The following VASH1 variants were observed in gnomAD, a reference collection of about 807,000 sequenced individuals.
VASH1 encodes vasohibin 1.
VASH1 carries 16 observed loss-of-function variants against 35.0 expected under a neutral mutation model. That is an observed-to-expected ratio of 0.46 (90% CI 0.31 to 0.70). The LOEUF is 0.70. Among genes scored for constraint, VASH1 ranks in the 30% least tolerant of loss-of-function variants. The probability of loss-of-function intolerance (pLI) is 0.05; values close to 1 mark genes in which losing one functional copy is unlikely to be tolerated. For missense variants in VASH1, 505 were observed against 510.7 expected (o/e 0.99, Z 0.11); for synonymous variants, 214 against 200.9 (o/e 1.07, Z -0.55).
chr14:76,768,398 G>A (rs576291710), intron 1 of VASH1, among the ~76,000 whole-genome samples: 4 of 152,336 alleles, frequency 2.6e-5, no homozygotes, highest in East Asian at 3.9e-4. Context: ...AGCCAGGGCA[G>A]CCAGTGCGGT....
At chr14:76,768,906 G>A (rs1011556539) in intron 1 of VASH1, among the ~76,000 whole-genome samples, 3 of 152,210 alleles carry the variant, frequency 2.0e-5, no homozygotes, top group Non-Finnish European at 4.4e-5. Context: ...TGGTGGACAA[G>A]GGGGAGCCCT....
chr14:76,771,919 A>G (rs1893804610), intron 3 of VASH1, among the ~76,000 whole-genome samples: 3 of 152,224 alleles, frequency 2.0e-5, no homozygotes, highest in Admixed American at 6.5e-5. Flanking sequence ...AAAGATGCCC[A>G]CAGACTTAAG....
intron 1 of VASH1, among the ~76,000 whole-genome samples, chr14:76,765,444 C>T (rs1195574850): frequency 6.6e-6 from 1 of 152,166 alleles, no homozygotes; most frequent in Non-Finnish European, 1.5e-5. Flanking sequence ...CCTCCTCTAC[C>T]TGGGCTCTGA....
At chr14:76,764,220 C>CA in intron 1 of VASH1, among the ~76,000 whole-genome samples, 1 of 152,294 alleles carries the variant, frequency 6.6e-6, no homozygotes, top group East Asian at 1.9e-4. Context: ...GTTATTGGTA[C>CA]AGCCATCAGA....
Position 76,779,141 on chromosome 14 carries a change from G to C in VASH1, c.*123G>C. On this transcript the variant is annotated 3_prime_UTR_variant, in exon 7 of 7. Coordinates refer to ENST00000167106, the MANE Select transcript of VASH1 (RefSeq NM_014909.5). ...GGCAGGGCAAGAGGCTGCAGGAAGA[G>C]TGTGTTCCAGCTCAGCCCCCCAAGC... is the stretch of plus-strand genomic sequence containing the variant. 9.0e-7 allele frequency: 1 copy of C among 1,112,510 alleles called. No homozygotes were observed. The highest frequency in any genetic ancestry group is 1.3e-6 in the Non-Finnish European group (1 of 744,362). The allele number at this position is 1,112,510 out of a possible 1,614,324, so 68.9% of individuals were successfully genotyped here.
Position 76,771,265 on chromosome 14 carries a change from G to C in VASH1, c.455+19G>C. ...TGACAGGGTAAGTATGGGGAGGCCA[G>C]TCCTCTGCCCCAGGGCTGGCTTGGA... On this transcript the variant is annotated intron_variant, in intron 3 of 6. Transcript: ENST00000167106. 6.3e-7 allele frequency: 1 copy of C among 1,587,836 alleles called. No individual in the cohort carries two copies. Among genetic ancestry groups the C allele is most frequent in the Non-Finnish European group, 8.6e-7 (1 of 1,167,684 alleles).
rs1276584678 is a variant in VASH1, at chr14:76,777,873, C to T, written c.913-86C>T. 4.7e-6 allele frequency: 5 copies of T among 1,058,388 alleles called. No homozygotes were observed. The Admixed American group carries it at 1.7e-4, about 35-fold the overall frequency. 65.6% of individuals were successfully genotyped at this position (1,058,388 alleles called of 1,614,324 possible). A position where few individuals can be genotyped will look rare whatever the true frequency, so the allele number is the denominator to read the frequency against. ...TTCCCCGGGCCTTCCCCAGGGCAGC[C>T]TCCAGGGACCTGTGGCTCCTGGAAG... On this transcript the variant is annotated intron_variant, in intron 5 of 6. Coordinates refer to ENST00000167106, the MANE Select transcript of VASH1 (RefSeq NM_014909.5).
At position 76,762,684 on chromosome 14, in the gene VASH1, A is replaced by T; in HGVS notation, c.-138A>T. On this transcript the variant is annotated 5_prime_UTR_variant, in exon 1 of 7. Coordinates refer to ENST00000167106, the MANE Select transcript of VASH1 (RefSeq NM_014909.5). ...GATTTTTTTTATCAAGTCGTATTTT[A>T]TTGTACAGGAGCCACGCCCTGATTT... The T allele has an allele frequency of 1.5e-6, 1 of 667,840 alleles. No homozygotes were observed. Among genetic ancestry groups the T allele is most frequent in the Non-Finnish European group, 2.3e-6 (1 of 443,322 alleles). 41.4% of individuals were successfully genotyped at this position (667,840 alleles called of 1,614,324 possible). A position where few individuals can be genotyped will look rare whatever the true frequency, so the allele number is the denominator to read the frequency against.
At position 76,762,460 on chromosome 14, in the gene VASH1, TCA is replaced by T. The variant is rs1289680127; in HGVS notation, c.-361_-360del. 1.1e-5 allele frequency: 2 copies of T among 178,262 alleles called. No homozygotes were observed. Among genetic ancestry groups the T allele is most frequent in the African/African-American group, 4.7e-5 (2 of 42,596 alleles). 11.0% of individuals were successfully genotyped at this position (178,262 alleles called of 1,614,324 possible). A position where few individuals can be genotyped will look rare whatever the true frequency, so the allele number is the denominator to read the frequency against. ...AGCCGCTGGTCCGAGCTGTCTGGCC[TCA>T]GTTTCCCTCCGACTTTTCTCCGCTC... On this transcript the variant is annotated 5_prime_UTR_variant, in exon 1 of 7. Transcript: ENST00000167106.
intron 1 of VASH1, chr14:76,769,373 T>C (rs1893728840): frequency 7.8e-7 from 1 of 1,289,058 alleles, no homozygotes; most frequent in South Asian, 1.2e-5. Flanking sequence ...CAGCAAGACC[T>C]GTTCCAAAAT....
intron 6 of VASH1, among the ~76,000 whole-genome samples, chr14:76,778,569 G>T (rs978071681): frequency 3.3e-5 from 5 of 152,188 alleles, no homozygotes; most frequent in African/African-American, 1.2e-4. Context: ...TCTCTGGTAT[G>T]AATTCAGGGG....
intron 4 of VASH1, among the ~76,000 whole-genome samples, chr14:76,774,121 AG>A (rs924795767): frequency 4.6e-5 from 7 of 152,188 alleles, no homozygotes; most frequent in Non-Finnish European, 1.0e-4. Flanking sequence ...CTGATGGAAC[AG>A]GAGTCCCATC....
intron 2 of VASH1, among the ~76,000 whole-genome samples, 194 bp from the exon 3 acceptor site, chr14:76,770,996 A>G (rs1171991279): frequency 6.6e-6 from 1 of 152,206 alleles, no homozygotes; most frequent in Non-Finnish European, 1.5e-5. Flanking sequence ...AAGAGAAGCC[A>G]GGGGAGAACA....
Position 76,762,860 on chromosome 14 carries a change from C to G in VASH1, c.39C>G (p.Ser13Arg), listed in dbSNP as rs751131833. Residue 13 changes from serine (S) to arginine (R), a missense_variant, in exon 1 of 7, where the codon AGC becomes AGG. Physicochemically the swap from Ser to Arg is moderately radical, Grantham distance 110. Coordinates refer to ENST00000167106, the MANE Select transcript of VASH1 (RefSeq NM_014909.5). ...GGKKVAGGGS[S>R]GATPTSAAAT... ...AGAAGGTGGCTGGGGGTGGCAGCAGCGGTGCCACTCCAACGTCCGCTGCGG... is the reference window on the plus strand; with the variant it reads ...AGAAGGTGGCTGGGGGTGGCAGCAGGGGTGCCACTCCAACGTCCGCTGCGG... 3.9e-6 allele frequency: 6 copies of G among 1,524,694 alleles called. No individual in the cohort carries two copies. The highest frequency in any genetic ancestry group is 5.3e-6 in the Non-Finnish European group (6 of 1,135,488). 94.4% of individuals were successfully genotyped at this position (1,524,694 alleles called of 1,614,324 possible).
At chr14:76,766,848 T>G (rs1893655594) in intron 1 of VASH1, among the ~76,000 whole-genome samples, 1 of 152,350 alleles carries the variant, frequency 6.6e-6, no homozygotes, top group Admixed American at 6.5e-5. Flanking sequence ...TGCCTGACCC[T>G]GCTCTAAGGC....
At chr14:76,775,812 C>G in intron 4 of VASH1, 80 bp from the exon 5 acceptor site, 1 of 1,471,664 alleles carries the variant, frequency 6.8e-7, no homozygotes, top group Non-Finnish European at 9.0e-7. Flanking sequence ...GCGTGGACCC[C>G]GTGGCTCCCG....
chr14:76,770,033 G>A lies in VASH1; in HGVS notation c.380G>A (p.Arg127His), dbSNP rs138562735. ...CCTGAGCGCCTGGAAGCTGTGCAGC[G>A]CTACATCAGAGAGCTGCAGTATCCT... ...PVPERLEAVQ[R>H]YIRELQYNHT... The change falls in exon 2 of 7, where the codon CGC becomes CAC. Residue 127 changes from arginine (R) to histidine (H), a missense_variant. Arg to His is a conservative substitution (Grantham distance 29, BLOSUM62 0). Coordinates refer to ENST00000167106, the MANE Select transcript of VASH1 (RefSeq NM_014909.5). 2.7e-5 allele frequency: 44 copies of A among 1,613,788 alleles called. No homozygotes were observed. The highest frequency in any genetic ancestry group is 1.1e-4 in the East Asian group (5 of 44,888).
Position 76,762,893 on chromosome 14 carries a change from C to T in VASH1, c.72C>T (p.Ala24=). ...CTCCAACGTCCGCTGCGGCCACCGC[C>T]CCCTCTGGGGTCAGGCGTTTGGAGA... ...GATPTSAAAT[A]PSGVRRLETS... Residue 24 remains alanine, a synonymous_variant, in exon 1 of 7, where the codon GCC becomes GCT. Transcript: ENST00000167106. 1.9e-6 allele frequency: 3 copies of T among 1,557,298 alleles called. No homozygotes were observed. Among genetic ancestry groups the T allele is most frequent in the Admixed American group, 3.8e-5 (2 of 52,274 alleles).
chr14:76,763,617 A>C (rs1259840626), intron 1 of VASH1, among the ~76,000 whole-genome samples: 1 of 152,206 alleles, frequency 6.6e-6, no homozygotes, highest in South Asian at 2.1e-4. Flanking sequence ...CTGAAAACTC[A>C]AGTAGGAACT....
Sources: allele counts gnomAD v4.1 joint callset (sites outside exome capture counted in the v4.1 genomes callset), GRCh38; gene constraint gnomAD v4.1.1; transcripts MANE v1.5; gene names NCBI Gene and HGNC (gene_info 2026-07-23, HGNC 2026-07-21).